Variants in DLGAP2 observed in about 807,000 individuals in gnomAD.
DLGAP2 encodes disks large-associated protein 2.
Under a neutral mutation model 100.3 loss-of-function variants are expected in DLGAP2, and 26 were observed. The ratio of observed to expected loss-of-function variants is 0.26; its 90% confidence interval spans 0.19 to 0.36. The LOEUF (loss-of-function observed/expected upper bound fraction) is 0.36. Ranked by LOEUF, DLGAP2 falls within the 10% of genes least tolerant of loss-of-function variation. DLGAP2 has a pLI of 1.00. For missense variants in DLGAP2, 1,858 were observed against 1,453.2 expected (o/e 1.28, Z -4.53); for synonymous variants, 886 against 630.1 (o/e 1.41, Z -6.08).
At chr8:1,437,899 T>C (rs1797696990) in intron 3 of DLGAP2, among the ~76,000 whole-genome samples, 1 of 151,010 alleles carries the variant, frequency 6.6e-6, no homozygotes, top group Middle Eastern at 3.5e-3. Flanking sequence ...GACAGGAGAA[T>C]TGCTTGAACC....
intron 2 of DLGAP2, among the ~76,000 whole-genome samples, chr8:1,070,991 A>G (rs7814070): frequency 0.45 from 68,552 of 152,000 alleles, 16,132 homozygotes; most frequent in African/African-American, 0.59. Flanking sequence ...CAGAAGGGGC[A>G]TTTTAGCAAA....
intron 2 of DLGAP2, among the ~76,000 whole-genome samples, chr8:956,032 G>A (rs561342015): frequency 6.6e-6 from 1 of 152,250 alleles, no homozygotes; most frequent in South Asian, 2.1e-4. Flanking sequence ...AGAAAGATGG[G>A]GTGATGGTGG....
chr8:1,665,225 T>G (rs955450357), intron 8 of DLGAP2, among the ~76,000 whole-genome samples: 27 of 152,170 alleles, frequency 1.8e-4, no homozygotes, highest in African/African-American at 6.3e-4. Context: ...TTCAGACTCT[T>G]TAAATTTTAC....
intron 1 of DLGAP2, among the ~76,000 whole-genome samples, chr8:857,764 A>G (rs1797308093): frequency 6.6e-6 from 1 of 152,190 alleles, no homozygotes; most frequent in Non-Finnish European, 1.5e-5. Flanking sequence ...GAAGACCGCT[A>G]GGTGGTTCCT....
chr8:1,266,686 A>G (rs1053723231), intron 3 of DLGAP2, among the ~76,000 whole-genome samples: 4 of 152,108 alleles, frequency 2.6e-5, no homozygotes, highest in Non-Finnish European at 5.9e-5. Context: ...CGGGACGTTG[A>G]AGGCTTTACA....
chr8:1,582,516 GAA>G (rs539211033), intron 6 of DLGAP2, among the ~76,000 whole-genome samples: 2 of 120,222 alleles, frequency 1.7e-5, no homozygotes, highest in South Asian at 2.8e-4. Flanking sequence ...TCATCCTTAG[GAA>G]AAAAAAAAAA....
At chr8:1,084,748 G>A (rs567481012) in intron 2 of DLGAP2, among the ~76,000 whole-genome samples, 14 of 152,152 alleles carry the variant, frequency 9.2e-5, no homozygotes, top group East Asian at 1.9e-4. Context: ...CATTGTGTGC[G>A]TACACCACAC....
At chr8:866,341 C>G (rs907421025) in intron 1 of DLGAP2, among the ~76,000 whole-genome samples, 1 of 152,222 alleles carries the variant, frequency 6.6e-6, no homozygotes, top group East Asian at 1.9e-4. Context: ...GGCATGTGCT[C>G]TGTGTTGGAA....
intron 2 of DLGAP2, among the ~76,000 whole-genome samples, chr8:1,103,971 A>G (rs896643775): frequency 6.6e-6 from 1 of 151,996 alleles, no homozygotes; most frequent in Non-Finnish European, 1.5e-5. Flanking sequence ...TCTTCTAACA[A>G]CAAACCCTTT....
rs563577154 is a variant in DLGAP2, at chr8:978,367, C to T, written c.73+70401C>T. Among the ~76,000 whole-genome samples, 3 of 9,578 alleles carry T rather than the reference C, an allele frequency of 3.1e-4. 1 individual carries two copies. Among genetic ancestry groups the T allele is most frequent in the Admixed American group, 3.0e-3 (2 of 672 alleles). The allele number at this position is 9,578 out of a possible 152,430, so 6.3% of individuals were successfully genotyped here. A position where few individuals can be genotyped will look rare whatever the true frequency, so the allele number is the denominator to read the frequency against. ...GTCTTTGGTGTTGTGGGGAGGGCGT[C>T]GGGGATGCAGTGAGGTGCTGCGTTC... On this transcript the variant is annotated intron_variant, in intron 2 of 14. Transcript: ENST00000637795.
At chr8:1,303,114 G>T (rs1800398261) in intron 3 of DLGAP2, among the ~76,000 whole-genome samples, 1 of 152,184 alleles carries the variant, frequency 6.6e-6, no homozygotes, top group Non-Finnish European at 1.5e-5. Flanking sequence ...AAAGGAGGAA[G>T]GGGTGGGGCG....
intron 1 of DLGAP2, among the ~76,000 whole-genome samples, chr8:894,919 A>G (rs973060790): frequency 1.0e-4 from 6 of 58,278 alleles, no homozygotes; most frequent in Non-Finnish European, 1.0e-4. Flanking sequence ...GGGTGGGGGG[A>G]GTGGAGTGGC....
rs376017511 is a variant in DLGAP2, at chr8:940,676, T to C, written c.73+32710T>C. On this transcript the variant is annotated intron_variant, in intron 2 of 14. Transcript: ENST00000637795. ...GGACAGTTTGGAAAACCAAAGTTCA[T>C]TGATGCTCTCCCTCTTCTCCCATGT... Among the ~76,000 whole-genome samples the C allele has an allele frequency of 7.2e-5, 11 of 152,312 alleles. No individual in the cohort carries two copies. In the East Asian group the frequency reaches 1.4e-3, roughly 19 times the overall value.
intron 1 of DLGAP2, among the ~76,000 whole-genome samples, chr8:847,978 AG>A (rs1186474737): frequency 3.9e-5 from 6 of 152,150 alleles, no homozygotes; most frequent in Admixed American, 2.6e-4. Context: ...TGAATATTAA[AG>A]GGGTAAACAC....
intron 1 of DLGAP2, among the ~76,000 whole-genome samples, chr8:881,167 C>G (rs1042984923): frequency 6.6e-6 from 1 of 152,200 alleles, no homozygotes; most frequent in Admixed American, 6.5e-5. Context: ...TAAAACAATT[C>G]AGGAAAGTTA....
chr8:1,201,538 G>C (rs1355344926), intron 2 of DLGAP2, among the ~76,000 whole-genome samples: 1 of 152,220 alleles, frequency 6.6e-6, no homozygotes, highest in Non-Finnish European at 1.5e-5. Context: ...TTTGGACATC[G>C]CATCTCCGGA....
chr8:908,309 G>T (rs1334396632), intron 2 of DLGAP2, among the ~76,000 whole-genome samples: 3 of 152,160 alleles, frequency 2.0e-5, no homozygotes, highest in Non-Finnish European at 4.4e-5. Flanking sequence ...ATTTACTAAA[G>T]AAAATCACCA....
intron 1 of DLGAP2, among the ~76,000 whole-genome samples, chr8:885,465 T>C (rs899408183): frequency 5.3e-5 from 8 of 152,224 alleles, no homozygotes; most frequent in South Asian, 2.1e-4. Context: ...TTTTTGCACA[T>C]TGATTTTGTA....
chr8:1,565,369 G>A, intron 5 of DLGAP2: 1 of 283,626 alleles, frequency 3.5e-6, no homozygotes, highest in South Asian at 1.5e-4. Context: ...TATACCAGAG[G>A]GAAATAAAAC....
Sources: allele counts gnomAD v4.1 joint callset (sites outside exome capture counted in the v4.1 genomes callset), GRCh38; gene constraint gnomAD v4.1.1; transcripts MANE v1.5; gene names NCBI Gene and HGNC (gene_info 2026-07-23, HGNC 2026-07-21).